PTPRZ1: variants seen among roughly 807,000 people sequenced by gnomAD.
PTPRZ1 encodes the protein protein tyrosine phosphatase receptor type Z1.
A neutral mutation model predicts 214.1 loss-of-function variants in PTPRZ1; 82 were observed. That is an observed-to-expected ratio of 0.38 (90% confidence interval 0.32 to 0.46). The LOEUF (loss-of-function observed/expected upper bound fraction) is 0.46, where lower values mean the gene tolerates loss of function less well. Among genes scored for constraint, PTPRZ1 ranks in the 20% least tolerant of loss-of-function variants. The pLI is 1.00. For synonymous variants in PTPRZ1, 945 were observed against 987.9 expected (o/e 0.96, Z 0.81); for missense variants, 2,603 against 2,748.7 (o/e 0.95, Z 1.19).
chr7:121,992,186 T>G (rs963210004), intron 8 of PTPRZ1, among the ~76,000 whole-genome samples: 8 of 152,190 alleles, frequency 5.3e-5, no homozygotes, highest in African/African-American at 1.9e-4. Flanking sequence ...ATCCATATTT[T>G]ACTCAGAATA....
At chr7:121,943,970 G>A (rs1796303953) in intron 2 of PTPRZ1, among the ~76,000 whole-genome samples, 1 of 152,168 alleles carries the variant, frequency 6.6e-6, no homozygotes. Context: ...TCTGGATGAG[G>A]TATATTGACA....
chr7:122,058,822 G>A lies in PTPRZ1; in HGVS notation c.6551G>A (p.Arg2184Lys). 6.2e-7 allele frequency: 1 copy of A among 1,606,330 alleles called. No individual in the cohort carries two copies. The highest frequency in any genetic ancestry group is 1.3e-5 in the African/African-American group (1 of 74,752). ...ATQDDYVLEV[R>K]HFQCPKWPNP... ...TAGGATGATTATGTACTTGAAGTGA[G>A]GCACTTTCAGTGTCCTAAATGGCCA... Residue 2184 changes from arginine (R) to lysine (K), a missense_variant, in exon 28 of 30, where the codon AGG becomes AAG. This residue lies in a region of PTPRZ1 where 134 missense variants were observed against 183.3 expected (regional missense o/e 0.73). Coordinates refer to ENST00000393386, the MANE Select transcript of PTPRZ1 (RefSeq NM_002851.3).
chr7:122,046,941 G>A (rs145927231), intron 23 of PTPRZ1, among the ~76,000 whole-genome samples: 25 of 152,250 alleles, frequency 1.6e-4, no homozygotes, highest in African/African-American at 5.5e-4. Context: ...GGTTAGAAAG[G>A]ATTACTTAAG....
chr7:121,914,890 T>A (rs1795374864), intron 1 of PTPRZ1, among the ~76,000 whole-genome samples: 1 of 152,178 alleles, frequency 6.6e-6, no homozygotes. Context: ...TGACATTACA[T>A]GTGAAAAGTT....
At chr7:121,995,177 A>C (rs974949792) in intron 8 of PTPRZ1, among the ~76,000 whole-genome samples, 1 of 152,188 alleles carries the variant, frequency 6.6e-6, no homozygotes, top group Admixed American at 6.5e-5. Flanking sequence ...GGTGAACTGC[A>C]AACTAGCAGA....
At chr7:121,886,463 AACACACAC>A (rs148244179) in intron 1 of PTPRZ1, among the ~76,000 whole-genome samples, 41 of 148,038 alleles carry the variant, frequency 2.8e-4, no homozygotes, top group East Asian at 2.2e-3. Flanking sequence ...TATTAAATGT[AACACACAC>A]ACACACACAC....
intron 4 of PTPRZ1, among the ~76,000 whole-genome samples, chr7:121,974,516 C>T (rs1797369185): frequency 6.6e-6 from 1 of 152,140 alleles, no homozygotes; most frequent in Non-Finnish European, 1.5e-5. Context: ...GAGACAGAGT[C>T]TCGCCCTGTC....
intron 17 of PTPRZ1, 136 bp from the exon 18 acceptor site, chr7:122,036,464 C>A: frequency 1.6e-6 from 1 of 633,060 alleles, no homozygotes; most frequent in South Asian, 2.1e-5. Flanking sequence ...CTCTGTATCC[C>A]CAAAAAGCCT....
intron 12 of PTPRZ1, among the ~76,000 whole-genome samples, chr7:122,014,392 A>T (rs117045924): frequency 0.01 from 1,549 of 152,226 alleles, 14 homozygotes; most frequent in Non-Finnish European, 0.016. Context: ...GTTAATTTCC[A>T]CATTCATATC....
At chr7:121,874,647 G>C (rs1793997472) in intron 1 of PTPRZ1, among the ~76,000 whole-genome samples, 1 of 152,122 alleles carries the variant, frequency 6.6e-6, no homozygotes. Context: ...CTATTTTTAA[G>C]TTCTAATAAA....
chr7:122,016,764 TTA>T (rs760605312), intron 12 of PTPRZ1, among the ~76,000 whole-genome samples: 10 of 150,652 alleles, frequency 6.6e-5, no homozygotes, highest in African/African-American at 2.2e-4. Context: ...AAATATGTAA[TTA>T]TATATATATA....
chr7:122,012,580 T>C lies in PTPRZ1; in HGVS notation c.3534T>C (p.Thr1178=). 1.2e-6 allele frequency: 2 copies of C among 1,613,438 alleles called. No individual in the cohort carries two copies. The highest frequency in any genetic ancestry group is 1.7e-6 in the Non-Finnish European group (2 of 1,179,340). ...ATGAGACCTCAGCTTCTTTTAGTAC[T>C]GAAGTATTGCTACAACCTTCCTTTC... ...LFYETSASFS[T]EVLLQPSFQA... Residue 1178 remains threonine, a synonymous_variant, in exon 12 of 30, where the codon ACT becomes ACC. Transcript: ENST00000393386.
chr7:122,051,779 G>C, intron 24 of PTPRZ1, 87 bp from the exon 25 acceptor site: 3 of 1,224,032 alleles, frequency 2.5e-6, no homozygotes, highest in Non-Finnish European at 3.5e-6. Context: ...ATCTGGCATG[G>C]GGAAAAGATG....
At position 122,061,421 on chromosome 7, in the gene PTPRZ1, G is replaced by A; in HGVS notation, c.*201G>A. On this transcript the variant is annotated 3_prime_UTR_variant, in exon 30 of 30. Transcript: ENST00000393386. ...GACTTGTAATTTACTTATTATGTTTGAACTAAAATGATTGAATTTTACAGT... is the reference window on the plus strand; with the variant it reads ...GACTTGTAATTTACTTATTATGTTTAAACTAAAATGATTGAATTTTACAGT... 2.8e-6 allele frequency: 1 copy of A among 358,150 alleles called. No homozygotes were observed. The highest frequency in any genetic ancestry group is 4.9e-6 in the Non-Finnish European group (1 of 204,842). The allele number at this position is 358,150 out of a possible 1,614,324, so 22.2% of individuals were successfully genotyped here. A position where few individuals can be genotyped will look rare whatever the true frequency, so the allele number is the denominator to read the frequency against.
At chr7:121,913,060 C>T (rs1043989524) in intron 1 of PTPRZ1, among the ~76,000 whole-genome samples, 1 of 152,130 alleles carries the variant, frequency 6.6e-6, no homozygotes, top group Non-Finnish European at 1.5e-5. Flanking sequence ...ATTTTGAATT[C>T]TTAAGCAGTT....
At position 122,042,685 on chromosome 7, in the gene PTPRZ1, A is replaced by C; in HGVS notation, c.5879A>C (p.Asn1960Thr). The C allele has an allele frequency of 6.2e-7, 1 of 1,613,806 alleles. No individual in the cohort carries two copies. The highest frequency in any genetic ancestry group is 8.5e-7 in the Non-Finnish European group (1 of 1,179,702). ...CAGATTCAACACGAAGGAACTGTCA[A>C]CATATTTGGCTTCTTAAAACACATC... ...LQQIQHEGTV[N>T]IFGFLKHIRS... Residue 1960 changes from asparagine to threonine, a missense_variant, in exon 22 of 30, where the codon AAC (asparagine) becomes ACC (threonine). Physicochemically the swap from Asn to Thr is moderately conservative, Grantham distance 65. Coordinates refer to ENST00000393386, the MANE Select transcript of PTPRZ1 (RefSeq NM_002851.3).
At chr7:121,991,758 CT>C (rs1483140842) in intron 8 of PTPRZ1, among the ~76,000 whole-genome samples, 1 of 152,210 alleles carries the variant, frequency 6.6e-6, no homozygotes, top group Non-Finnish European at 1.5e-5. Context: ...AGAAAGACTT[CT>C]TTTGGCTATT....
At chr7:122,031,392 T>C (rs1562872565) in intron 14 of PTPRZ1, 82 bp from the exon 15 acceptor site, 10 of 965,394 alleles carry the variant, frequency 1.0e-5, no homozygotes, top group Non-Finnish European at 8.1e-6. Flanking sequence ...ATTGAAGTTG[T>C]TTCAGAAGCT....
At chr7:121,926,148 CA>C (rs1322241527) in intron 1 of PTPRZ1, among the ~76,000 whole-genome samples, 5 of 151,668 alleles carry the variant, frequency 3.3e-5, no homozygotes, top group African/African-American at 1.2e-4. Context: ...ACTAAAAATT[CA>C]AAAAAATTAG....
Sources: gnomAD v4.1 joint callset for allele counts (sites outside exome capture counted in the v4.1 genomes callset) on GRCh38, gnomAD v4.1.1 for gene constraint, gnomAD v4.1.1 regional missense constraint, MANE v1.5 for transcripts, NCBI Gene and HGNC (gene_info 2026-07-23, HGNC 2026-07-21) for gene names.